Variants in RASSF8 observed in about 807,000 individuals in gnomAD.
RASSF8 encodes the protein ras association domain-containing protein 8.
Under a neutral mutation model 48.5 loss-of-function variants are expected in RASSF8, and 22 were observed. The observed-to-expected ratio is 0.45, with a 90% confidence interval of 0.32 to 0.65. The LOEUF (loss-of-function observed/expected upper bound fraction) is 0.65, where lower values mean the gene tolerates loss of function less well. RASSF8 is among the 30% of genes least tolerant of loss of function. The pLI is 0.03. For synonymous variants in RASSF8, 127 were observed against 171.5 expected (o/e 0.74, Z 2.03); for missense variants, 418 against 489.2 (o/e 0.85, Z 1.37).
At position 26,019,632 on chromosome 12, in the gene RASSF8, T is replaced by C. The variant is rs1366121616; in HGVS notation, c.-109+24502T>C. 4.0e-5 allele frequency among the ~76,000 whole-genome samples: 6 copies of C among 151,588 alleles called. 1 individual carries two copies. The highest frequency in any genetic ancestry group is 7.4e-5 in the Non-Finnish European group (5 of 67,916). ...GTGTGTGTCTGTGTGTATAACTAAATTGACTTAAAAGAAATCTTGAAATTT... is the reference window on the plus strand; with the variant it reads ...GTGTGTGTCTGTGTGTATAACTAAACTGACTTAAAAGAAATCTTGAAATTT... On this transcript the variant is annotated intron_variant, in intron 2 of 5. Transcript: ENST00000689635.
intron 2 of RASSF8, among the ~76,000 whole-genome samples, chr12:26,034,635 G>A (rs534337785): frequency 5.5e-4 from 84 of 152,116 alleles, no homozygotes; most frequent in Non-Finnish European, 1.0e-3. Context: ...CTTTCTGACA[G>A]GCTAAGTAAC....
chr12:26,033,016 T>G (rs1156496795), intron 2 of RASSF8, among the ~76,000 whole-genome samples: 1 of 152,200 alleles, frequency 6.6e-6, no homozygotes, highest in African/African-American at 2.4e-5. Context: ...TGTGATCTTG[T>G]TTTCAAGCAG....
At chr12:26,003,939 G>A (rs1440443508) in intron 2 of RASSF8, among the ~76,000 whole-genome samples, 1 of 152,160 alleles carries the variant, frequency 6.6e-6, no homozygotes, top group Non-Finnish European at 1.5e-5. Flanking sequence ...CACTTTAGGA[G>A]GCTGAGGTGG....
chr12:26,064,895 G>C lies in RASSF8; in HGVS notation c.501G>C (p.Lys167Asn). The C allele has an allele frequency of 6.2e-7, 1 of 1,614,230 alleles. No individual in the cohort carries two copies. Among genetic ancestry groups the C allele is most frequent in the Non-Finnish European group, 8.5e-7 (1 of 1,180,042 alleles). The change falls in exon 4 of 6, where the codon AAG (lysine) becomes AAC (asparagine). Residue 167 changes from lysine (K) to asparagine (N), a missense_variant. Transcript: ENST00000689635. ...NNCKTTADEL[K>N]KLIRLQTEKL... ...GCAAAACAACAGCAGATGAGTTGAA[G>C]AAGCTAATCCGTCTGCAGACAGAGA...
chr12:26,027,584 G>T (rs1346024942), intron 2 of RASSF8, among the ~76,000 whole-genome samples: 3 of 152,170 alleles, frequency 2.0e-5, no homozygotes, highest in African/African-American at 7.2e-5. Context: ...TGATTAACCA[G>T]CCAGTTACCA....
rs1941159544 is a variant in RASSF8, at chr12:25,959,112, T to A, written c.-239T>A. ...TCCCCAGCGCCCCGGCCGGCCCCTC[T>A]GGGCGGCCTGCGGGGGCGGCGCAGT... On this transcript the variant is annotated 5_prime_UTR_variant, in exon 1 of 6. Transcript: ENST00000689635. 2 of 150,760 alleles carry A rather than the reference T, an allele frequency of 1.3e-5. No homozygotes were observed. Among genetic ancestry groups the A allele is most frequent in the Non-Finnish European group, 3.0e-5 (2 of 67,634 alleles). The allele number at this position is 150,760 out of a possible 1,614,324, so 9.3% of individuals were successfully genotyped here. A position where few individuals can be genotyped will look rare whatever the true frequency, so the allele number is the denominator to read the frequency against.
chr12:25,970,195 C>T (rs1941453388), intron 1 of RASSF8, among the ~76,000 whole-genome samples: 3 of 151,598 alleles, frequency 2.0e-5, no homozygotes, highest in Non-Finnish European at 4.4e-5. Flanking sequence ...TGAGTGATCT[C>T]ACCCGTCACC....
At chr12:26,016,377 A>G (rs1320185491) in intron 2 of RASSF8, among the ~76,000 whole-genome samples, 1 of 152,006 alleles carries the variant, frequency 6.6e-6, no homozygotes, top group African/African-American at 2.4e-5. Context: ...TTGGCCTGAG[A>G]TTTTAAGATC....
Position 26,071,869 on chromosome 12 carries a change from G to A in RASSF8, c.*3051G>A. The A allele has an allele frequency of 2.0e-6, 2 of 984,570 alleles. No homozygotes were observed. Among genetic ancestry groups the A allele is most frequent in the Non-Finnish European group, 2.4e-6 (2 of 829,264 alleles). The allele number at this position is 984,570 out of a possible 1,614,324, so 61.0% of individuals were successfully genotyped here. On this transcript the variant is annotated 3_prime_UTR_variant, in exon 6 of 6. Coordinates refer to ENST00000689635, the MANE Select transcript of RASSF8 (RefSeq NM_001394098.1). ...TATGAAGTATAGCAATATATAACAAGAACATGTAAGCACTTGCTTCCACAG... is the reference window on the plus strand; with the variant it reads ...TATGAAGTATAGCAATATATAACAAAAACATGTAAGCACTTGCTTCCACAG...
chr12:26,078,885 C>A, intron 5 of RASSF8: 2 of 583,762 alleles, frequency 3.4e-6, no homozygotes, highest in Non-Finnish European at 5.4e-6. Flanking sequence ...ATGAATATTT[C>A]TAGAAGGTTC....
chr12:26,040,731 G>A (rs949231340), intron 2 of RASSF8, among the ~76,000 whole-genome samples: 2 of 152,122 alleles, frequency 1.3e-5, no homozygotes, highest in Admixed American at 1.3e-4. Context: ...CAAGGTAACT[G>A]CTGACCCTTT....
chr12:25,977,427 T>G (rs1941632932), intron 1 of RASSF8, among the ~76,000 whole-genome samples: 1 of 152,194 alleles, frequency 6.6e-6, no homozygotes, highest in African/African-American at 2.4e-5. Flanking sequence ...TTTTCTTCTA[T>G]TTAAGGAACA....
intron 2 of RASSF8, among the ~76,000 whole-genome samples, chr12:26,035,953 A>G (rs143212077): frequency 7.5e-4 from 110 of 146,750 alleles, no homozygotes; most frequent in African/African-American, 2.5e-3. Flanking sequence ...ATTTTTATAT[A>G]TTATATATTT....
At chr12:26,000,836 G>A (rs1184646820) in intron 2 of RASSF8, among the ~76,000 whole-genome samples, 2 of 152,132 alleles carry the variant, frequency 1.3e-5, no homozygotes, top group African/African-American at 4.8e-5. Flanking sequence ...ATGGGGTATT[G>A]CCTAGAATGG....
At chr12:26,009,792 T>C (rs891576685) in intron 2 of RASSF8, among the ~76,000 whole-genome samples, 5 of 152,132 alleles carry the variant, frequency 3.3e-5, no homozygotes, top group Non-Finnish European at 5.9e-5. Context: ...AAGAGTAGTT[T>C]GGTTAGATGG....
At chr12:26,035,881 ATTAT>A (rs1943138843) in intron 2 of RASSF8, among the ~76,000 whole-genome samples, 1 of 144,978 alleles carries the variant, frequency 6.9e-6, no homozygotes, top group Non-Finnish European at 1.5e-5. Context: ...TATATTATAT[ATTAT>A]ATATAATTAT....
intron 2 of RASSF8, among the ~76,000 whole-genome samples, chr12:26,021,154 A>G (rs938881310): frequency 2.6e-5 from 4 of 152,212 alleles, no homozygotes; most frequent in Non-Finnish European, 5.9e-5. Flanking sequence ...GCTCCACAGC[A>G]AAACAAACAT....
chr12:26,016,555 T>C (rs1942654696), intron 2 of RASSF8, among the ~76,000 whole-genome samples: 1 of 152,208 alleles, frequency 6.6e-6, no homozygotes, highest in African/African-American at 2.4e-5. Context: ...TAAGAATCTG[T>C]GCGAAAGAGC....
chr12:26,060,022 C>T (rs555533621), intron 3 of RASSF8, among the ~76,000 whole-genome samples: 233 of 152,170 alleles, frequency 1.5e-3, no homozygotes, highest in Middle Eastern at 0.01. Flanking sequence ...CTCAGCCTCC[C>T]GAGTAGCTGG....
Sources: allele counts gnomAD v4.1 joint callset (sites outside exome capture counted in the v4.1 genomes callset), GRCh38; gene constraint gnomAD v4.1.1; transcripts MANE v1.5; gene names NCBI Gene and HGNC (gene_info 2026-07-23, HGNC 2026-07-21).